SPRED2: variants seen among roughly 807,000 people sequenced by gnomAD.
The protein encoded by SPRED2 is sprouty-related, EVH1 domain-containing protein 2.
Under a neutral mutation model 43.0 loss-of-function variants are expected in SPRED2, and 47 were observed. That is an observed-to-expected ratio of 1.09 (90% confidence interval 0.87 to 1.40). The LOEUF (loss-of-function observed/expected upper bound fraction) is 1.40, where lower values mean the gene tolerates loss of function less well. SPRED2 is among the 40% of genes most tolerant of loss of function. SPRED2 has a pLI of 0.00. For synonymous variants in SPRED2, 225 were observed against 225.7 expected (o/e 1.00, Z 0.03); for missense variants, 561 against 586.4 (o/e 0.96, Z 0.45).
chr2:65,356,314 T>A (rs1674644900), intron 1 of SPRED2, among the ~76,000 whole-genome samples: 1 of 152,190 alleles, frequency 6.6e-6, no homozygotes, highest in Non-Finnish European at 1.5e-5. Context: ...AAATGCTAAT[T>A]GCAGACTTGA....
chr2:65,317,023 G>A, intron 4 of SPRED2, 140 bp from the exon 5 acceptor site: 1 of 895,512 alleles, frequency 1.1e-6, no homozygotes. Flanking sequence ...TCTTGAGTTT[G>A]TCTTGGCTAC....
chr2:65,360,100 C>CAAAAAAAAAAAA (rs57801875), intron 1 of SPRED2, among the ~76,000 whole-genome samples: 2 of 103,220 alleles, frequency 1.9e-5, no homozygotes, highest in Non-Finnish European at 3.8e-5. Context: ...AAAAAAAAAA[C>CAAAAAAAAAAAA]AAAAAAAAAA....
chr2:65,343,148 C>T (rs980568786), intron 2 of SPRED2, among the ~76,000 whole-genome samples: 1 of 152,076 alleles, frequency 6.6e-6, no homozygotes, highest in East Asian at 1.9e-4. Context: ...GAGATCTAAC[C>T]GAAGGGCTGG....
chr2:65,429,756 C>T (rs1354215932), intron 1 of SPRED2, among the ~76,000 whole-genome samples: 2 of 152,146 alleles, frequency 1.3e-5, no homozygotes, highest in Non-Finnish European at 2.9e-5. Context: ...CCCATTTCTT[C>T]AGTGGCTAAG....
At chr2:65,416,555 G>A (rs1206656601) in intron 1 of SPRED2, among the ~76,000 whole-genome samples, 3 of 152,134 alleles carry the variant, frequency 2.0e-5, no homozygotes, top group Admixed American at 2.0e-4. Context: ...AGCTGATGGG[G>A]ATTAACAAGA....
At chr2:65,404,350 T>C (rs1675974094) in intron 1 of SPRED2, among the ~76,000 whole-genome samples, 1 of 152,198 alleles carries the variant, frequency 6.6e-6, no homozygotes, top group African/African-American at 2.4e-5. Flanking sequence ...AAGTTAACCA[T>C]ATATATTACA....
At chr2:65,362,248 C>T (rs1674833613) in intron 1 of SPRED2, among the ~76,000 whole-genome samples, 1 of 152,100 alleles carries the variant, frequency 6.6e-6, no homozygotes, top group Admixed American at 6.5e-5. Flanking sequence ...CTTGCTTTCT[C>T]TATGGTCATC....
At chr2:65,422,104 A>ACACACACACACACACACTCTCTCTCT (rs1299857849) in intron 1 of SPRED2, among the ~76,000 whole-genome samples, 1 of 128,938 alleles carries the variant, frequency 7.8e-6, no homozygotes, top group Non-Finnish European at 1.7e-5. Context: ...ACACACACAC[A>ACACACACACACACACACTCTCTCTCT]CTCTCTCTCT....
At chr2:65,412,410 G>A (rs1267212782) in intron 1 of SPRED2, among the ~76,000 whole-genome samples, 2 of 152,294 alleles carry the variant, frequency 1.3e-5, no homozygotes, top group East Asian at 1.9e-4. Context: ...AGAATTGCAC[G>A]CCAGATTCTG....
At chr2:65,415,162 G>A (rs933805196) in intron 1 of SPRED2, among the ~76,000 whole-genome samples, 1 of 152,162 alleles carries the variant, frequency 6.6e-6, no homozygotes, top group African/African-American at 2.4e-5. Context: ...ATACAATTCA[G>A]TGGCATTAAG....
intron 1 of SPRED2, among the ~76,000 whole-genome samples, chr2:65,406,412 G>A (rs1676024803): frequency 6.6e-6 from 1 of 152,164 alleles, no homozygotes; most frequent in Non-Finnish European, 1.5e-5. Flanking sequence ...CCAAATCAAA[G>A]ATCCTGGTTT....
At chr2:65,431,643 G>A (rs1483885415) in intron 1 of SPRED2, among the ~76,000 whole-genome samples, 2 of 152,148 alleles carry the variant, frequency 1.3e-5, no homozygotes, top group Admixed American at 6.5e-5. Context: ...CGCTCTAGCC[G>A]CCGAGGATTT....
Position 65,312,802 on chromosome 2 carries a change from AATGTTTTGC to A in SPRED2, c.*690_*698del. ...CTCAATTCTCAGTCTATTACGGGTG[AATGTTTTGC>A]ATCAGTGAATCATTTCAACAGATTT... On this transcript the variant is annotated 3_prime_UTR_variant, in exon 6 of 6. Coordinates refer to ENST00000356388, the MANE Select transcript of SPRED2 (RefSeq NM_181784.3). The A allele has an allele frequency of 2.0e-6, 2 of 985,874 alleles. No individual in the cohort carries two copies. Among genetic ancestry groups the A allele is most frequent in the Non-Finnish European group, 1.2e-6 (1 of 829,942 alleles). 61.1% of individuals were successfully genotyped at this position (985,874 alleles called of 1,614,324 possible). A position where few individuals can be genotyped will look rare whatever the true frequency, so the allele number is the denominator to read the frequency against.
At chr2:65,423,018 G>T (rs932115850) in intron 1 of SPRED2, among the ~76,000 whole-genome samples, 1 of 152,184 alleles carries the variant, frequency 6.6e-6, no homozygotes, top group South Asian at 2.1e-4. Context: ...TGCTTTAAAA[G>T]ATCTATAAAA....
At chr2:65,408,337 G>A (rs1341189948) in intron 1 of SPRED2, among the ~76,000 whole-genome samples, 1 of 152,186 alleles carries the variant, frequency 6.6e-6, no homozygotes, top group African/African-American at 2.4e-5. Context: ...GAAAGCTAAA[G>A]TTTGGGAAGA....
chr2:65,359,952 C>A (rs1190073456), intron 1 of SPRED2, among the ~76,000 whole-genome samples: 2 of 151,596 alleles, frequency 1.3e-5, no homozygotes, highest in East Asian at 3.9e-4. Context: ...GTAGTCCCAG[C>A]TACTCGGGAG....
intron 1 of SPRED2, among the ~76,000 whole-genome samples, chr2:65,400,578 T>C (rs941014089): frequency 9.9e-5 from 15 of 152,028 alleles, no homozygotes; most frequent in African/African-American, 3.4e-4. Context: ...TGGCCCCATG[T>C]TCCATCTAGG....
At chr2:65,327,533 A>C (rs1222217767) in intron 4 of SPRED2, among the ~76,000 whole-genome samples, 1 of 152,012 alleles carries the variant, frequency 6.6e-6, no homozygotes, top group Non-Finnish European at 1.5e-5. Flanking sequence ...TGTGAGCTTG[A>C]GAGTTATTGT....
chr2:65,352,051 C>T (rs1674528211), intron 1 of SPRED2, among the ~76,000 whole-genome samples: 1 of 152,198 alleles, frequency 6.6e-6, no homozygotes, highest in African/African-American at 2.4e-5. Context: ...AAAATAAGGC[C>T]TTTGTGTTAA....
Sources: gnomAD v4.1 joint callset for allele counts (sites outside exome capture counted in the v4.1 genomes callset) on GRCh38, gnomAD v4.1.1 for gene constraint, MANE v1.5 for transcripts, NCBI Gene and HGNC (gene_info 2026-07-23, HGNC 2026-07-21) for gene names.